Variants in ADAM12 observed in about 807,000 individuals in gnomAD.
ADAM12 encodes disintegrin and metalloproteinase domain-containing protein 12.
ADAM12 carries 70 observed loss-of-function variants against 106.4 expected under a neutral mutation model. The observed-to-expected ratio is 0.66, with a 90% CI of 0.54 to 0.80. The LOEUF is 0.80. Ranked by LOEUF, ADAM12 falls within the 30% of genes least tolerant of loss-of-function variation. The pLI is 0.00. For synonymous variants in ADAM12, 420 were observed against 433.5 expected (o/e 0.97, Z 0.39); for missense variants, 1,010 against 1,171.9 (o/e 0.86, Z 2.02).
intron 1 of ADAM12, among the ~76,000 whole-genome samples, chr10:126,363,493 G>C (rs1355334531): frequency 2.0e-5 from 3 of 152,150 alleles, no homozygotes; most frequent in Admixed American, 6.5e-5. Context: ...TTGTCTGGGG[G>C]TGGGATATGG....
At chr10:126,204,045 G>A (rs560887815) in intron 3 of ADAM12, among the ~76,000 whole-genome samples, 25 of 152,316 alleles carry the variant, frequency 1.6e-4, no homozygotes, top group South Asian at 8.3e-4. Context: ...TTCACAGTAG[G>A]AGCTGCCAAT....
chr10:126,118,278 T>A, intron 5 of ADAM12, 54 bp from the exon 6 acceptor site: 1 of 1,320,836 alleles, frequency 7.6e-7, no homozygotes, highest in South Asian at 1.3e-5. Context: ...GCTTCTTGTT[T>A]ATGGCCAAGA....
At chr10:126,124,460 TACTATGCGCGAGAC>T (rs1435794112) in intron 5 of ADAM12, among the ~76,000 whole-genome samples, 1 of 152,166 alleles carries the variant, frequency 6.6e-6, no homozygotes, top group Non-Finnish European at 1.5e-5. Context: ...TTTATCCTTT[TACTATGCGCGAGAC>T]ACTAGGCTAG....
chr10:126,383,690 G>A (rs927914492), intron 1 of ADAM12, among the ~76,000 whole-genome samples: 1 of 152,112 alleles, frequency 6.6e-6, no homozygotes, highest in African/African-American at 2.4e-5. Flanking sequence ...AGACATTGAA[G>A]AAATGCCTTA....
At chr10:126,126,987 T>G (rs1240734044) in intron 5 of ADAM12, among the ~76,000 whole-genome samples, 1 of 152,124 alleles carries the variant, frequency 6.6e-6, no homozygotes, top group Non-Finnish European at 1.5e-5. Context: ...GACTTGACCT[T>G]GGATCTCCTT....
chr10:126,355,433 C>T (rs191718891), intron 1 of ADAM12, among the ~76,000 whole-genome samples: 35 of 152,292 alleles, frequency 2.3e-4, no homozygotes, highest in African/African-American at 8.2e-4. Context: ...TTTCAACTAG[C>T]AATTATCTAC....
At chr10:126,023,116 A>G (rs1428132004) in intron 21 of ADAM12, among the ~76,000 whole-genome samples, 1 of 152,250 alleles carries the variant, frequency 6.6e-6, no homozygotes, top group Non-Finnish European at 1.5e-5. Context: ...GATGCCCCAG[A>G]GATCCCTGAC....
chr10:126,082,077 C>G (rs1289624531), intron 11 of ADAM12, among the ~76,000 whole-genome samples: 2 of 152,206 alleles, frequency 1.3e-5, no homozygotes, highest in Non-Finnish European at 2.9e-5. Flanking sequence ...GCCAGTTTTT[C>G]TTTAGCTCAA....
chr10:126,292,216 C>T (rs1164751401), intron 2 of ADAM12, among the ~76,000 whole-genome samples: 1 of 152,126 alleles, frequency 6.6e-6, no homozygotes, highest in Non-Finnish European at 1.5e-5. Flanking sequence ...CACATTTCTC[C>T]CGACTCCCCC....
chr10:126,268,929 A>C (rs148815500), intron 3 of ADAM12, among the ~76,000 whole-genome samples: 1 of 152,336 alleles, frequency 6.6e-6, no homozygotes, highest in East Asian at 1.9e-4. Context: ...GTAAGTCCAC[A>C]GTTCAAGGCA....
At chr10:126,203,824 T>C (rs1253805912) in intron 3 of ADAM12, among the ~76,000 whole-genome samples, 1 of 152,236 alleles carries the variant, frequency 6.6e-6, no homozygotes, top group Admixed American at 6.5e-5. Context: ...GGCCCAGTTC[T>C]GTGTTGGGAG....
At position 126,109,832 on chromosome 10, in the gene ADAM12, T is replaced by C. The variant is rs1462067805; in HGVS notation, c.612A>G (p.Arg204=). 2.4e-5 allele frequency: 39 copies of C among 1,612,928 alleles called. No homozygotes were observed. The highest frequency in any genetic ancestry group is 1.2e-4 in the Admixed American group (7 of 59,982). ...CATACTTAGTTGCCTTGAGGGTCTCTCTTTTATGCTGCCAAGAGTAAACAT... is the reference window on the plus strand; with the variant it reads ...CATACTTAGTTGCCTTGAGGGTCTCCCTTTTATGCTGCCAAGAGTAAACAT... ...PSQTWARRHK[R]ETLKATKYVE... is the part of the protein sequence containing the mutation. The change falls in exon 7 of 23, where the codon AGA becomes AGG. Residue 204 remains arginine (R), a synonymous_variant. Transcript: ENST00000448723.
At chr10:126,332,379 T>G (rs1289053143) in intron 1 of ADAM12, among the ~76,000 whole-genome samples, 2 of 152,192 alleles carry the variant, frequency 1.3e-5, no homozygotes, top group Non-Finnish European at 2.9e-5. Flanking sequence ...TAGAGAAAAC[T>G]GCCCTCAGGA....
intron 14 of ADAM12, among the ~76,000 whole-genome samples, chr10:126,058,050 C>T (rs1450986037): frequency 6.6e-6 from 1 of 152,198 alleles, no homozygotes; most frequent in African/African-American, 2.4e-5. Flanking sequence ...CCTTGGAACT[C>T]GATGCCTGAG....
chr10:126,012,862 CTTT>C lies in ADAM12; in HGVS notation c.*4414_*4416del, dbSNP rs1265014950. The C allele has an allele frequency of 6.6e-6, 1 of 151,590 alleles. No homozygotes were observed. The highest frequency in any genetic ancestry group is 1.5e-5 in the Non-Finnish European group (1 of 67,866). The allele number at this position is 151,590 out of a possible 1,614,324, so 9.4% of individuals were successfully genotyped here. On this transcript the variant is annotated 3_prime_UTR_variant, in exon 23 of 23. Transcript: ENST00000448723. ...GCCATGAAAATAAAACGCCATTCAA[CTTT>C]TTTTTTGTAAAGCTAAAATAATCAC...
chr10:126,195,345 T>G (rs1957577403), intron 3 of ADAM12, among the ~76,000 whole-genome samples: 5 of 152,098 alleles, frequency 3.3e-5, no homozygotes, highest in African/African-American at 7.2e-5. Context: ...GAGGCCCAGG[T>G]GGGTGGATCA....
At chr10:126,267,933 G>C (rs1959132420) in intron 3 of ADAM12, among the ~76,000 whole-genome samples, 1 of 152,154 alleles carries the variant, frequency 6.6e-6, no homozygotes, top group South Asian at 2.1e-4. Context: ...AACAAACCAG[G>C]AGCCCAGCTT....
rs370278503 is a variant in ADAM12, at chr10:126,050,699, C to T, written c.1610-1030G>A. Among the ~76,000 whole-genome samples, 17 of 152,324 alleles carry T rather than the reference C, an allele frequency of 1.1e-4. 1 individual carries two copies. Among genetic ancestry groups the T allele is most frequent in the African/African-American group, 4.1e-4 (17 of 41,574 alleles). On this transcript the variant is annotated intron_variant, in intron 14 of 22. Coordinates refer to ENST00000448723, the MANE Select transcript of ADAM12 (RefSeq NM_001288973.2). Reference sequence around the variant, plus strand: ...CAGAAGATGTTCTTCTTACTAAAAACATCCCCCTTCGTTAGCCTGCACCTG... The same window carrying T: ...CAGAAGATGTTCTTCTTACTAAAAATATCCCCCTTCGTTAGCCTGCACCTG...
In ADAM12 at chr10:126,388,315, CTT is replaced by C; in HGVS notation, c.-172_-171del. ...CGCGCCGCCGCTGAGCTCTTCTAGCCTTTCATTTTTAAAAAAGTTTCCCCCCG... is the reference window on the plus strand; with the variant it reads ...CGCGCCGCCGCTGAGCTCTTCTAGCCTCATTTTTAAAAAAGTTTCCCCCCG... On this transcript the variant is annotated 5_prime_UTR_variant, in exon 1 of 23. It removes the in-frame stop codon of an upstream open reading frame in the 5' UTR. Transcript: ENST00000448723. The surrounding 1 kb of genome is among the most constrained non-coding windows in gnomAD (Gnocchi z 4.4). 9.6e-7 allele frequency: 1 copy of C among 1,045,628 alleles called. No homozygotes were observed. The allele number at this position is 1,045,628 out of a possible 1,614,324, so 64.8% of individuals were successfully genotyped here. A position where few individuals can be genotyped will look rare whatever the true frequency, so the allele number is the denominator to read the frequency against.
Sources: gnomAD v4.1 joint callset for allele counts (sites outside exome capture counted in the v4.1 genomes callset) on GRCh38, gnomAD v4.1.1 for gene constraint, Gnocchi (gnomAD v3.1) non-coding constraint, MANE v1.5 for transcripts, NCBI Gene and HGNC (gene_info 2026-07-23, HGNC 2026-07-21) for gene names.